MZT1: variants seen among roughly 807,000 people sequenced by gnomAD.
MZT1 encodes the protein mitotic spindle organizing protein 1.
MZT1 carries 8 observed loss-of-function variants against 8.5 expected under a neutral mutation model. That is an observed-to-expected ratio of 0.94 (90% CI 0.55 to 1.70). The LOEUF (loss-of-function observed/expected upper bound fraction) is 1.70, where lower values mean the gene tolerates loss of function less well. MZT1 is among the 40% of genes most tolerant of loss of function. The pLI, the probability that MZT1 is intolerant of heterozygous loss-of-function variation, is 0.00. For synonymous variants in MZT1, 38 were observed against 42.0 expected, an observed-to-expected ratio of 0.90 and a Z score of 0.37; for missense variants, 93 against 108.6, an observed-to-expected ratio of 0.86 and a Z score of 0.64.
chr13:72,712,218 G>A (rs911847126), intron 2 of MZT1, among the ~76,000 whole-genome samples: 4 of 152,224 alleles, frequency 2.6e-5, no homozygotes, highest in African/African-American at 9.6e-5. Flanking sequence ...AGGCTGGAGT[G>A]CAGTGGCACA....
intron 2 of MZT1, among the ~76,000 whole-genome samples, chr13:72,714,947 A>G (rs2032520507): frequency 3.3e-5 from 5 of 152,198 alleles, no homozygotes; most frequent in Admixed American, 2.6e-4. Flanking sequence ...CAATGTCCTC[A>G]CTGGGGAACT....
At chr13:72,714,168 A>C (rs1473771823) in intron 2 of MZT1, among the ~76,000 whole-genome samples, 1 of 152,154 alleles carries the variant, frequency 6.6e-6, no homozygotes, top group Non-Finnish European at 1.5e-5. Context: ...TTAGCAAAAA[A>C]TTTGGCTGCA....
intron 1 of MZT1, among the ~76,000 whole-genome samples, chr13:72,726,146 G>A (rs895043944): frequency 6.6e-6 from 1 of 151,138 alleles, no homozygotes; most frequent in African/African-American, 2.4e-5. Context: ...ATAAGAAAAT[G>A]AGGCCGGGCA....
At chr13:72,718,643 A>G (rs1030926374) in intron 2 of MZT1, among the ~76,000 whole-genome samples, 1 of 151,878 alleles carries the variant, frequency 6.6e-6, no homozygotes, top group African/African-American at 2.4e-5. Context: ...ACGCCTGGCT[A>G]ATTTTTTTGT....
chr13:72,717,302 C>T (rs1318763307), intron 2 of MZT1, among the ~76,000 whole-genome samples: 2 of 151,372 alleles, frequency 1.3e-5, no homozygotes, highest in Non-Finnish European at 2.9e-5. Flanking sequence ...TTCCTTCCAA[C>T]AATAGAACAC....
intron 1 of MZT1, among the ~76,000 whole-genome samples, chr13:72,720,311 G>A (rs1480040849): frequency 6.6e-6 from 1 of 152,178 alleles, no homozygotes; most frequent in Non-Finnish European, 1.5e-5. Context: ...TATATTGCAT[G>A]TAGTAGGGTA....
Position 72,727,524 on chromosome 13 carries a change from C to T in MZT1, c.79G>A (p.Val27Ile), listed in dbSNP as rs1281646573. The T allele has an allele frequency of 6.2e-7, 1 of 1,613,580 alleles. No individual in the cohort carries two copies. The highest frequency in any genetic ancestry group is 8.5e-7 in the Non-Finnish European group (1 of 1,179,742). The change falls in exon 1 of 3, where the codon GTT becomes ATT. Residue 27 changes from valine (V) to isoleucine (I), a missense_variant and splice_region_variant. Coordinates refer to ENST00000377818, the MANE Select transcript of MZT1 (RefSeq NM_001071775.3). ...NLNAVRETMD[V>I]LLEISRILNT... ...TAAAGGGAGCGCAACGGAAACTCAC[C>T]GTCCATGGTCTCCCGCACCGCATTC...
rs1180726488 is a variant in MZT1 at position 72,724,752 on chromosome 13, A to ATATGTGTGTGTG, written c.79+2771_79+2772insCACACACACATA. Among the ~76,000 whole-genome samples, 434 of 56,846 alleles carry ATATGTGTGTGTG rather than the reference A, an allele frequency of 7.6e-3. 60 individuals carry two copies. The highest frequency in any genetic ancestry group is 0.018 in the Middle Eastern group (1 of 56). 37.3% of individuals were successfully genotyped at this position (56,846 alleles called of 152,430 possible). On this transcript the variant is annotated intron_variant, in intron 1 of 2. Coordinates refer to ENST00000377818, the MANE Select transcript of MZT1 (RefSeq NM_001071775.3). The stretch of plus-strand genomic sequence containing the variant: ...TATATATATATATACACATATATAT[A>ATATGTGTGTGTG]TGTAAAGTGGTGCTACAGGCCGGGC...
chr13:72,727,386 G>C (rs1246508967), intron 1 of MZT1, 138 bp downstream of exon 1: 1 of 852,356 alleles, frequency 1.2e-6, no homozygotes, highest in African/African-American at 1.6e-5. Flanking sequence ...TGCGGCCCTG[G>C]CAGGTCCCTA....
At chr13:72,710,400 T>TG (rs1309932875) in intron 2 of MZT1, 55 bp from the exon 3 acceptor site, 6 of 1,572,326 alleles carry the variant, frequency 3.8e-6, no homozygotes, top group Admixed American at 1.7e-5. Context: ...AGAGGCATCA[T>TG]GAAGATAAAT....
chr13:72,724,743 C>CAT (rs2032626788), intron 1 of MZT1, among the ~76,000 whole-genome samples: 1 of 25,880 alleles, frequency 3.9e-5, no homozygotes, highest in East Asian at 2.2e-3. Context: ...TATATATACA[C>CAT]ATATATATAT....
chr13:72,721,645 G>A (rs2032594788), intron 1 of MZT1, among the ~76,000 whole-genome samples: 1 of 152,176 alleles, frequency 6.6e-6, no homozygotes, highest in Non-Finnish European at 1.5e-5. Context: ...GCTATACTGA[G>A]GCCTGGAACT....
intron 1 of MZT1, among the ~76,000 whole-genome samples, chr13:72,724,388 G>T (rs1165945525): frequency 6.6e-6 from 1 of 151,898 alleles, no homozygotes; most frequent in African/African-American, 2.4e-5. Flanking sequence ...CAGAGGAGGT[G>T]AGAAAGCAAG....
At position 72,727,589 on chromosome 13, in the gene MZT1, C is replaced by A. The variant is rs745918229; in HGVS notation, c.14G>T (p.Ser5Ile). 6.2e-7 allele frequency: 1 copy of A among 1,603,542 alleles called. No individual in the cohort carries two copies. The highest frequency in any genetic ancestry group is 8.5e-7 in the Non-Finnish European group (1 of 1,174,972). MASS[S>I]GAGAAAAAAA... ...GGCCGCCGCCGCCGCCCCAGCACCG[C>A]TGCTACTCGCCATGGCTAAGGCCGA... is the stretch of plus-strand genomic sequence containing the variant. The change falls in exon 1 of 3, where the codon AGC becomes ATC. Residue 5 changes from serine (S) to isoleucine (I), a missense_variant. Coordinates refer to ENST00000377818, the MANE Select transcript of MZT1 (RefSeq NM_001071775.3).
chr13:72,711,921 C>T (rs1275198864), intron 2 of MZT1, among the ~76,000 whole-genome samples: 1 of 152,122 alleles, frequency 6.6e-6, no homozygotes, highest in East Asian at 1.9e-4. Context: ...TATTCTTTTT[C>T]AATTCACTGA....
rs764804413 is a variant in MZT1, at chr13:72,727,610, G to A, written c.-8C>T. ...ACCGCTGCTACTCGCCATGGCTAAG[G>A]CCGAGGGAGGCGGGAGAAGGGCCTG... On this transcript the variant is annotated 5_prime_UTR_variant, in exon 1 of 3. Coordinates refer to ENST00000377818, the MANE Select transcript of MZT1 (RefSeq NM_001071775.3). The A allele has an allele frequency of 1.9e-6, 3 of 1,586,530 alleles. No homozygotes were observed. Among genetic ancestry groups the A allele is most frequent in the Admixed American group, 1.8e-5 (1 of 55,862 alleles).
At chr13:72,720,757 G>A (rs1243552952) in intron 1 of MZT1, among the ~76,000 whole-genome samples, 3 of 152,092 alleles carry the variant, frequency 2.0e-5, no homozygotes, top group Non-Finnish European at 2.9e-5. Context: ...GCAAGGTGGC[G>A]CATGCCTGTA....
At chr13:72,720,217 C>T (rs1162986060) in intron 1 of MZT1, among the ~76,000 whole-genome samples, 1 of 152,162 alleles carries the variant, frequency 6.6e-6, no homozygotes, top group Admixed American at 6.5e-5. Context: ...TGAGATGCCA[C>T]CTTTATTCAT....
chr13:72,724,710 A>G (rs2032623787), intron 1 of MZT1, among the ~76,000 whole-genome samples: 1 of 21,838 alleles, frequency 4.6e-5, no homozygotes, highest in Non-Finnish European at 3.1e-4. Context: ...AAATATATAT[A>G]TATATATACA....
Sources: allele counts gnomAD v4.1 joint callset (sites outside exome capture counted in the v4.1 genomes callset), GRCh38; gene constraint gnomAD v4.1.1; transcripts MANE v1.5; gene names NCBI Gene and HGNC (gene_info 2026-07-23, HGNC 2026-07-21).